The following GNAL variants were observed in gnomAD, a reference collection of about 807,000 sequenced individuals.
GNAL encodes guanine nucleotide-binding protein G(olf) subunit alpha.
Under a neutral mutation model 55.1 loss-of-function variants are expected in GNAL, and 18 were observed. The ratio of observed to expected loss-of-function variants is 0.33; its 90% CI spans 0.23 to 0.48. GNAL has a LOEUF of 0.48. Among genes scored for constraint, GNAL ranks in the 20% least tolerant of loss-of-function variants. The pLI, the probability that GNAL is intolerant of heterozygous loss-of-function variation, is 0.99. For missense variants in GNAL, 412 were observed against 614.1 expected (o/e 0.67, Z 3.48); for synonymous variants, 253 against 237.0 (o/e 1.07, Z -0.62).
chr18:11,771,387 CAT>C (rs1435519748), intron 4 of GNAL, among the ~76,000 whole-genome samples: 1 of 151,082 alleles, frequency 6.6e-6, no homozygotes, highest in Non-Finnish European at 1.5e-5. Flanking sequence ...TGAAATTAAT[CAT>C]TATCAGTTTT....
intron 1 of GNAL, among the ~76,000 whole-genome samples, chr18:11,742,483 A>AGG (rs1181092390): frequency 6.6e-6 from 1 of 152,242 alleles, no homozygotes; most frequent in Non-Finnish European, 1.5e-5. Flanking sequence ...TAACAAAGAA[A>AGG]GGGACCTCTG....
At chr18:11,755,779 G>A (rs997668855) in intron 4 of GNAL, among the ~76,000 whole-genome samples, 1 of 152,096 alleles carries the variant, frequency 6.6e-6, no homozygotes, top group African/African-American at 2.4e-5. Flanking sequence ...GGTTGACGTG[G>A]CAGGGGAAGG....
At chr18:11,770,373 A>C (rs1334346645) in intron 4 of GNAL, among the ~76,000 whole-genome samples, 1 of 152,230 alleles carries the variant, frequency 6.6e-6, no homozygotes, top group Non-Finnish European at 1.5e-5. Flanking sequence ...CAAAACCTTT[A>C]GAATCATCTC....
intron 1 of GNAL, among the ~76,000 whole-genome samples, chr18:11,720,472 C>T (rs747700927): frequency 2.6e-5 from 4 of 152,164 alleles, no homozygotes; most frequent in African/African-American, 4.8e-5. Flanking sequence ...TGTAGTGCGA[C>T]GTTATGTGTT....
At position 11,836,443 on chromosome 18, in the gene GNAL, A is replaced by G. The variant is rs558718226; in HGVS notation, c.722+11428A>G. On this transcript the variant is annotated intron_variant, in intron 5 of 11. Transcript: ENST00000334049. ...CCTGGGCAACAAGAGCAAAACTCTT[A>G]TCTCAAAAAATAATAATAATAAATA... is the stretch of plus-strand genomic sequence containing the variant. 2.0e-5 allele frequency among the ~76,000 whole-genome samples: 3 copies of G among 152,054 alleles called. No individual in the cohort carries two copies. The East Asian group carries it at 5.8e-4, about 29-fold the overall frequency.
intron 4 of GNAL, among the ~76,000 whole-genome samples, chr18:11,798,047 TATA>T (rs2034435648): frequency 6.6e-6 from 1 of 152,156 alleles, no homozygotes; most frequent in Non-Finnish European, 1.5e-5. Flanking sequence ...ATAGCAAAGA[TATA>T]ATGATCAAAT....
chr18:11,690,043 C>A, intron 1 of GNAL, 104 bp downstream of exon 1: 1 of 592,680 alleles, frequency 1.7e-6, no homozygotes, highest in Non-Finnish European at 2.4e-6. Flanking sequence ...GGAGCGGCGG[C>A]GGGAGGGGCT....
At position 11,862,292 on chromosome 18, in the gene GNAL, C is replaced by A. The variant is rs190283937; in HGVS notation, c.723-103C>A. 1,022 of 809,906 alleles carry A rather than the reference C, an allele frequency of 1.3e-3. 7 individuals carry two copies. The highest frequency in any genetic ancestry group is 9.2e-3 in the Middle Eastern group (40 of 4,330). The allele number at this position is 809,906 out of a possible 1,614,324, so 50.2% of individuals were successfully genotyped here. On this transcript the variant is annotated intron_variant, in intron 5 of 11. Transcript: ENST00000334049. ...AACTCACTTCAGCTTCTTGGCCTGC[C>A]CCCATCCTTGCTGTACTTGGGTGAT... is the stretch of plus-strand genomic sequence containing the variant.
At chr18:11,879,873 C>A (rs2143936199) in intron 11 of GNAL, among the ~76,000 whole-genome samples, 1 of 150,940 alleles carries the variant, frequency 6.6e-6, no homozygotes, top group Non-Finnish European at 1.5e-5. Flanking sequence ...GGACACCCTG[C>A]TTAGCAGATG....
At chr18:11,858,926 G>T (rs962620543) in intron 5 of GNAL, among the ~76,000 whole-genome samples, 2 of 152,122 alleles carry the variant, frequency 1.3e-5, no homozygotes, top group African/African-American at 4.8e-5. Flanking sequence ...CAAAGTCACT[G>T]GTCTTTCATA....
chr18:11,827,974 GAAAAAAA>G (rs561574635), intron 5 of GNAL, among the ~76,000 whole-genome samples: 3 of 118,678 alleles, frequency 2.5e-5, no homozygotes, highest in Non-Finnish European at 1.9e-5. Context: ...CCGTCTCAAG[GAAAAAAA>G]AAAAAAAAAA....
intron 5 of GNAL, among the ~76,000 whole-genome samples, chr18:11,830,100 C>T (rs1039886428): frequency 6.6e-6 from 1 of 152,098 alleles, no homozygotes; most frequent in East Asian, 1.9e-4. Flanking sequence ...GTGGTATTAA[C>T]GGAAACAGCC....
intron 5 of GNAL, among the ~76,000 whole-genome samples, chr18:11,845,423 C>T (rs1037260701): frequency 1.1e-5 from 1 of 87,032 alleles, no homozygotes; most frequent in Non-Finnish European, 2.3e-5. Context: ...CAGGAGAGTG[C>T]ACTTTTCTTG....
At chr18:11,691,428 G>T (rs2031244255) in intron 1 of GNAL, among the ~76,000 whole-genome samples, 1 of 150,582 alleles carries the variant, frequency 6.6e-6, no homozygotes, top group Non-Finnish European at 1.5e-5. Context: ...TACTCTGATG[G>T]TAGTTTCTTT....
chr18:11,726,758 G>C (rs113344217), intron 1 of GNAL, among the ~76,000 whole-genome samples: 2 of 152,252 alleles, frequency 1.3e-5, no homozygotes, highest in African/African-American at 4.8e-5. Context: ...GTCAAAGCAT[G>C]AGATTCACCA....
rs1038887677 is a variant in GNAL, at chr18:11,884,838, G to A, written c.*3703G>A. The A allele has an allele frequency of 1.1e-5, 15 of 1,387,378 alleles. No homozygotes were observed. The highest frequency in any genetic ancestry group is 3.0e-5 in the Admixed American group (1 of 33,422). The allele number at this position is 1,387,378 out of a possible 1,614,324, so 85.9% of individuals were successfully genotyped here. A position where few individuals can be genotyped will look rare whatever the true frequency, so the allele number is the denominator to read the frequency against. On this transcript the variant is annotated 3_prime_UTR_variant, in exon 12 of 12. Transcript: ENST00000334049. ...AGGCTCCAGCAGGAGAGACAAGTAA[G>A]GCCCAAGTGTGCCTGAGTGGAAAAT...
intron 10 of GNAL, among the ~76,000 whole-genome samples, chr18:11,875,306 G>C (rs565208226): frequency 1.3e-5 from 2 of 152,126 alleles, no homozygotes; most frequent in Non-Finnish European, 2.9e-5. Flanking sequence ...GCTCAGGCAG[G>C]TCAGTAGGAT....
chr18:11,844,307 G>A (rs965926988), intron 5 of GNAL, among the ~76,000 whole-genome samples: 6 of 151,968 alleles, frequency 3.9e-5, no homozygotes, highest in African/African-American at 9.7e-5. Context: ...GGTGGCGGGC[G>A]CCTGTAGTCC....
At chr18:11,876,515 G>A in intron 10 of GNAL, 106 bp from the exon 11 acceptor site, 1 of 751,044 alleles carries the variant, frequency 1.3e-6, no homozygotes, top group Non-Finnish European at 2.4e-6. Context: ...GTATTTTAAT[G>A]CTGGGAATAT....
Sources: allele counts gnomAD v4.1 joint callset (sites outside exome capture counted in the v4.1 genomes callset), GRCh38; gene constraint gnomAD v4.1.1; transcripts MANE v1.5; gene names NCBI Gene and HGNC (gene_info 2026-07-23, HGNC 2026-07-21).